The following DNAH11 variants were observed in gnomAD, a reference collection of about 807,000 sequenced individuals.
DNAH11 encodes the protein axonemal beta dynein heavy chain 11.
DNAH11 carries 442 observed loss-of-function variants against 526.0 expected under a neutral mutation model. That is an observed-to-expected ratio of 0.84 (90% CI 0.78 to 0.91). The LOEUF (loss-of-function observed/expected upper bound fraction) is 0.91, where lower values mean the gene tolerates loss of function less well. DNAH11 is among the 40% of genes least tolerant of loss of function. The pLI, the probability that DNAH11 is intolerant of heterozygous loss-of-function variation, is 0.00. For missense variants in DNAH11, 6,989 were observed against 5,448.7 expected, an observed-to-expected ratio of 1.28 and a Z score of -8.90; for synonymous variants, 2,461 against 1,935.9, an observed-to-expected ratio of 1.27 and a Z score of -7.12.
chr7:21,789,812 C>CTTT (rs1170965698), intron 61 of DNAH11, among the ~76,000 whole-genome samples: 3,789 of 74,974 alleles, frequency 0.051, 69 homozygotes, highest in Non-Finnish European at 0.053. Context: ...TTTCTTTTTT[C>CTTT]TTTCTTTCTT....
chr7:21,606,355 C>A (rs1583522189), intron 18 of DNAH11, 71 bp from the exon 19 acceptor site: 2 of 1,202,720 alleles, frequency 1.7e-6, no homozygotes, highest in African/African-American at 1.6e-5. Flanking sequence ...AAATTAGAGT[C>A]ATTTAATCCT....
At position 21,601,561 on chromosome 7, in the gene DNAH11, C is replaced by T. The variant is rs773986555; in HGVS notation, c.3591C>T (p.Ile1197=). 1 of 1,610,830 alleles carries T rather than the reference C, an allele frequency of 6.2e-7. No individual in the cohort carries two copies. The highest frequency in any genetic ancestry group is 8.5e-7 in the Non-Finnish European group (1 of 1,177,614). ...DELFEPLKET[I]TLLESYGQKM... is the part of the protein sequence containing the mutation. ...TCTTTGAACCTCTAAAAGAAACGAT[C>T]ACCCTCTTGGAAAGCTATGGCCAGA... The change falls in exon 18 of 82, where the codon ATC becomes ATT. Residue 1197 remains isoleucine, a synonymous_variant. Transcript: ENST00000409508.
intron 45 of DNAH11, among the ~76,000 whole-genome samples, chr7:21,726,658 G>A (rs964671281): frequency 2.0e-5 from 3 of 151,174 alleles, no homozygotes; most frequent in African/African-American, 4.9e-5. Flanking sequence ...TCAGGAGATC[G>A]AGGCCATCCT....
intron 53 of DNAH11, 28 bp downstream of exon 53, chr7:21,749,829 G>C (rs1022625480): frequency 1.4e-5 from 22 of 1,611,524 alleles, no homozygotes; most frequent in Non-Finnish European, 1.9e-5. Context: ...TTTCTTGAAA[G>C]ATCTTCCCCA....
intron 6 of DNAH11, among the ~76,000 whole-genome samples, chr7:21,565,165 G>A (rs1783614822): frequency 6.6e-6 from 1 of 152,208 alleles, no homozygotes; most frequent in South Asian, 2.1e-4. Context: ...GAAAGTCTCA[G>A]ATGAGGGTGC....
chr7:21,867,442 T>C (rs534757182), intron 71 of DNAH11, among the ~76,000 whole-genome samples: 11 of 152,352 alleles, frequency 7.2e-5, no homozygotes, highest in African/African-American at 1.2e-4. Flanking sequence ...TAATTGAGCC[T>C]CCCTGTGTTA....
At chr7:21,552,713 C>T (rs182857043) in intron 2 of DNAH11, among the ~76,000 whole-genome samples, 6 of 152,298 alleles carry the variant, frequency 3.9e-5, no homozygotes, top group African/African-American at 7.2e-5. Context: ...CACAGTCCAG[C>T]GGTACCATTA....
intron 65 of DNAH11, among the ~76,000 whole-genome samples, chr7:21,833,125 C>G (rs978537755): frequency 3.3e-5 from 5 of 152,180 alleles, no homozygotes; most frequent in Non-Finnish European, 7.3e-5. Flanking sequence ...CTAGACTTCT[C>G]TGATTCAGTG....
At chr7:21,804,159 A>C (rs1789136758) in intron 62 of DNAH11, among the ~76,000 whole-genome samples, 1 of 152,042 alleles carries the variant, frequency 6.6e-6, no homozygotes, top group East Asian at 1.9e-4. Context: ...CCCAGGCTGG[A>C]GTGCAGTGGC....
At position 21,842,593 on chromosome 7, in the gene DNAH11, C is replaced by A; in HGVS notation, c.10741C>A (p.Leu3581Ile). 6.2e-7 allele frequency: 1 copy of A among 1,613,910 alleles called. No homozygotes were observed. Among genetic ancestry groups the A allele is most frequent in the African/African-American group, 1.3e-5 (1 of 75,030 alleles). ...ATGTGAATTTAACAAGAACTTTCGC[C>A]TTATCCTTCACACAAAATTGGCAAA... ...KECEFNKNFR[L>I]ILHTKLANPH... The change falls in exon 66 of 82, where the codon CTT (leucine) becomes ATT (isoleucine). Residue 3581 changes from leucine (L) to isoleucine (I), a missense_variant. By Grantham distance (5) the Leu-to-Ile change is conservative (BLOSUM62 2). Transcript: ENST00000409508.
intron 8 of DNAH11, among the ~76,000 whole-genome samples, chr7:21,580,682 C>G (rs959840109): frequency 3.3e-5 from 5 of 152,296 alleles, no homozygotes; most frequent in Admixed American, 3.3e-4. Flanking sequence ...ATGGAGGAGT[C>G]TCTCTCAGGC....
chr7:21,808,038 C>G lies in DNAH11; in HGVS notation c.10321C>G (p.Leu3441Val). The change falls in exon 63 of 82, where the codon CTT becomes GTT. Residue 3441 changes from leucine to valine, a missense_variant. Transcript: ENST00000409508. ...GGTGCACTGCAAGTGGGTTCCCTTTCTTCAACAGAAGGTAAGTTCAGTTCC... is the reference window on the plus strand; with the variant it reads ...GGTGCACTGCAAGTGGGTTCCCTTTGTTCAACAGAAGGTAAGTTCAGTTCC... ...ELVHCKWVPF[L>V]QQKVSIPLTE... The G allele has an allele frequency of 6.5e-7, 1 of 1,537,356 alleles. No homozygotes were observed. Among genetic ancestry groups the G allele is most frequent in the Non-Finnish European group, 8.9e-7 (1 of 1,129,764 alleles).
In DNAH11 at chr7:21,552,045, C is replaced by T. The variant is rs6947466; in HGVS notation, c.496-6757C>T. Among the ~76,000 whole-genome samples the T allele has an allele frequency of 1.5e-3, 221 of 152,248 alleles. 3 individuals carry two copies. Among genetic ancestry groups the T allele is most frequent in the African/African-American group, 5.2e-3 (216 of 41,552 alleles). On this transcript the variant is annotated intron_variant, in intron 2 of 81. Coordinates refer to ENST00000409508, the MANE Select transcript of DNAH11 (RefSeq NM_001277115.2). ...TGTGGCAGCACTGCTTGTACACATT[C>T]GGGCCACCCCTGAGAGACAGAATCA... is the stretch of plus-strand genomic sequence containing the variant.
intron 46 of DNAH11, among the ~76,000 whole-genome samples, chr7:21,737,036 A>G (rs1308311063): frequency 6.6e-6 from 1 of 152,240 alleles, no homozygotes; most frequent in Non-Finnish European, 1.5e-5. Flanking sequence ...GAATACAGGC[A>G]TGAATACGAT....
intron 74 of DNAH11, 41 bp from the exon 75 acceptor site, chr7:21,880,661 A>G (rs971517887): frequency 2.5e-6 from 4 of 1,608,934 alleles, no homozygotes; most frequent in African/African-American, 2.7e-5. Context: ...CTTGGAAACC[A>G]TACAGATGGA....
At position 21,901,356 on chromosome 7, in the gene DNAH11, TCACACGTG is replaced by T; in HGVS notation, c.*105_*112del. On this transcript the variant is annotated 3_prime_UTR_variant, in exon 82 of 82. Transcript: ENST00000409508. Reference sequence around the variant, plus strand: ...CACATTATTCTAACTTTTTAGTAACTCACACGTGCATTCTTTTTTCAACGCTATCCTTA... The same window carrying T: ...CACATTATTCTAACTTTTTAGTAACTCATTCTTTTTTCAACGCTATCCTTA... 1 of 1,391,336 alleles carries T rather than the reference TCACACGTG, an allele frequency of 7.2e-7. No individual in the cohort carries two copies. The allele number at this position is 1,391,336 out of a possible 1,614,324, so 86.2% of individuals were successfully genotyped here.
At chr7:21,799,901 A>G (rs1788892763) in intron 61 of DNAH11, among the ~76,000 whole-genome samples, 2 of 152,214 alleles carry the variant, frequency 1.3e-5, no homozygotes, top group South Asian at 4.1e-4. Flanking sequence ...AAGCAATGCT[A>G]TAAATCTTAT....
intron 20 of DNAH11, among the ~76,000 whole-genome samples, chr7:21,614,054 A>G (rs948410605): frequency 7.2e-5 from 11 of 152,036 alleles, no homozygotes; most frequent in African/African-American, 2.7e-4. Flanking sequence ...TGGGATTACA[A>G]GCATGAGCCA....
intron 20 of DNAH11, among the ~76,000 whole-genome samples, chr7:21,608,223 T>C (rs531859016): frequency 4.6e-5 from 7 of 152,256 alleles, no homozygotes; most frequent in African/African-American, 1.7e-4. Context: ...TAGTTGACTA[T>C]AAGAATGAAT....
Sources: gnomAD v4.1 joint callset for allele counts (sites outside exome capture counted in the v4.1 genomes callset) on GRCh38, gnomAD v4.1.1 for gene constraint, MANE v1.5 for transcripts, NCBI Gene and HGNC (gene_info 2026-07-23, HGNC 2026-07-21) for gene names.